The following IP6K1 variants were observed in gnomAD, a reference collection of about 807,000 sequenced individuals.
The protein encoded by IP6K1 is ATP:1D-myo-inositol-hexakisphosphate phosphotransferase.
In IP6K1, 13 loss-of-function variants were observed where a neutral mutation model predicts 38.3. That is an observed-to-expected ratio of 0.34 (90% CI 0.22 to 0.54). The LOEUF is 0.54. IP6K1 is among the 20% of genes least tolerant of loss of function. The pLI, the probability that IP6K1 is intolerant of heterozygous loss-of-function variation, is 0.92. For synonymous variants in IP6K1, 212 were observed against 229.9 expected, an observed-to-expected ratio of 0.92 and a Z score of 0.70; for missense variants, 397 against 599.8, an observed-to-expected ratio of 0.66 and a Z score of 3.53.
chr3:49,743,626 T>G (rs1466881974), intron 2 of IP6K1, among the ~76,000 whole-genome samples: 3 of 150,340 alleles, frequency 2.0e-5, no homozygotes, highest in Non-Finnish European at 4.4e-5. Context: ...TTTGTTTTTT[T>G]TTTTTTTTTG....
In IP6K1 at chr3:49,727,954, G is replaced by T; in HGVS notation, c.792+149C>A. ...AATGTCGAGGCAGCAGACTCTCACA[G>T]TGGTCCTGCACCTGAGGCCCATATC... On this transcript the variant is annotated intron_variant, in intron 5 of 5. Coordinates refer to ENST00000321599, the MANE Select transcript of IP6K1 (RefSeq NM_153273.4). The surrounding 1 kb of genome is among the most constrained non-coding windows in gnomAD (Gnocchi z 5.9). 1 of 761,392 alleles carries T rather than the reference G, an allele frequency of 1.3e-6. No individual in the cohort carries two copies. Among genetic ancestry groups the T allele is most frequent in the Non-Finnish European group, 2.2e-6 (1 of 458,848 alleles). The allele number at this position is 761,392 out of a possible 1,614,324, so 47.2% of individuals were successfully genotyped here.
At chr3:49,749,768 C>T (rs2080755515) in intron 1 of IP6K1, among the ~76,000 whole-genome samples, 1 of 151,846 alleles carries the variant, frequency 6.6e-6, no homozygotes, top group African/African-American at 2.4e-5. Flanking sequence ...ACTGCTATCA[C>T]CAAAATCAAT....
intron 1 of IP6K1, among the ~76,000 whole-genome samples, chr3:49,764,020 C>CA (rs961568725): frequency 1.3e-5 from 2 of 151,700 alleles, no homozygotes; most frequent in East Asian, 1.9e-4. Flanking sequence ...AGACTGTTTC[C>CA]AAAAAAACCT....
At chr3:49,738,502 C>A in intron 2 of IP6K1, 80 bp from the exon 3 acceptor site, 1 of 1,083,012 alleles carries the variant, frequency 9.2e-7, no homozygotes. Context: ...CACTCACTTT[C>A]CCACACAGCA....
At chr3:49,761,131 C>T (rs771822283) in intron 1 of IP6K1, among the ~76,000 whole-genome samples, 15 of 142,602 alleles carry the variant, frequency 1.1e-4, no homozygotes, top group African/African-American at 3.2e-4. Context: ...CTGGCCAACA[C>T]GGTGAAACCC....
intron 1 of IP6K1, among the ~76,000 whole-genome samples, chr3:49,758,011 C>T (rs1248035465): frequency 6.6e-6 from 1 of 152,100 alleles, no homozygotes; most frequent in Non-Finnish European, 1.5e-5. Context: ...GACCCCCTAT[C>T]AAAAATGGTT....
chr3:49,734,158 AAAAT>A lies in IP6K1; in HGVS notation c.435-1190_435-1187del, dbSNP rs201910872. On this transcript the variant is annotated intron_variant, in intron 3 of 5. Coordinates refer to ENST00000321599, the MANE Select transcript of IP6K1 (RefSeq NM_153273.4). Reference sequence around the variant, plus strand: ...CTTAAAAATAAATAAATAATAAAATAAAATAAATAAAACCACAAAGGAGTTTTTG... The same window carrying A: ...CTTAAAAATAAATAAATAATAAAATAAAATAAAACCACAAAGGAGTTTTTG... Among the ~76,000 whole-genome samples, 663 of 152,230 alleles carry A rather than the reference AAAAT, an allele frequency of 4.4e-3. 8 individuals carry two copies. Among genetic ancestry groups the A allele is most frequent in the African/African-American group, 0.015 (626 of 41,554 alleles).
At chr3:49,756,072 T>A (rs923286959) in intron 1 of IP6K1, among the ~76,000 whole-genome samples, 2 of 152,152 alleles carry the variant, frequency 1.3e-5, no homozygotes, top group African/African-American at 2.4e-5. Context: ...TGTGTATAGA[T>A]GTCTAGAGTA....
At position 49,727,022 on chromosome 3, in the gene IP6K1, A is replaced by G; in HGVS notation, c.*100T>C. Reference sequence around the variant, plus strand: ...TTTAGTTTACACCAAAGAGAAATATAACCCTTTAAAAGCAAGTCTGTGTGT... The same window carrying G: ...TTTAGTTTACACCAAAGAGAAATATGACCCTTTAAAAGCAAGTCTGTGTGT... On this transcript the variant is annotated 3_prime_UTR_variant, in exon 6 of 6. Transcript: ENST00000321599. This position sits in a 1 kb window ranked among gnomAD's most constrained non-coding sequence, Gnocchi z 5.9. The G allele has an allele frequency of 8.6e-7, 1 of 1,161,728 alleles. No individual in the cohort carries two copies. Among genetic ancestry groups the G allele is most frequent in the African/African-American group, 1.5e-5 (1 of 64,842 alleles). 72.0% of individuals were successfully genotyped at this position (1,161,728 alleles called of 1,614,324 possible).
intron 1 of IP6K1, among the ~76,000 whole-genome samples, chr3:49,765,723 T>A (rs888767979): frequency 6.7e-6 from 1 of 150,328 alleles, no homozygotes; most frequent in Non-Finnish European, 1.5e-5. Flanking sequence ...TACCACTTAA[T>A]AGTCAACTGA....
intron 1 of IP6K1, among the ~76,000 whole-genome samples, chr3:49,752,010 G>T (rs1233066606): frequency 6.6e-6 from 1 of 151,974 alleles, no homozygotes; most frequent in African/African-American, 2.4e-5. Flanking sequence ...GTAATTTTTT[G>T]TTGTTGTTTT....
At position 49,726,662 on chromosome 3, in the gene IP6K1, C is replaced by T. The variant is rs2080505326; in HGVS notation, c.*460G>A. The T allele has an allele frequency of 5.4e-6, 1 of 185,712 alleles. No individual in the cohort carries two copies. The highest frequency in any genetic ancestry group is 1.9e-4 in the South Asian group (1 of 5,398). The allele number at this position is 185,712 out of a possible 1,614,324, so 11.5% of individuals were successfully genotyped here. ...GCTAGCTGACACCCACAGCATAAGA[C>T]TGGAAAGCCCCCAAGAAATGGGCAC... On this transcript the variant is annotated 3_prime_UTR_variant, in exon 6 of 6. Coordinates refer to ENST00000321599, the MANE Select transcript of IP6K1 (RefSeq NM_153273.4).
chr3:49,784,013 T>A lies in IP6K1; in HGVS notation c.-129+2341A>T, dbSNP rs533482969. ...TTCAAAATTATTATTTTATTTATTATTTATTTATTTATTTATTTTTGGAGA... is the reference window on the plus strand; with the variant it reads ...TTCAAAATTATTATTTTATTTATTAATTATTTATTTATTTATTTTTGGAGA... On this transcript the variant is annotated intron_variant, in intron 1 of 5. Coordinates refer to ENST00000321599, the MANE Select transcript of IP6K1 (RefSeq NM_153273.4). Among the ~76,000 whole-genome samples the A allele has an allele frequency of 8.9e-3, 1,351 of 151,732 alleles. 19 individuals are homozygous for A. The highest frequency in any genetic ancestry group is 0.031 in the African/African-American group (1,294 of 41,420).
intron 4 of IP6K1, among the ~76,000 whole-genome samples, chr3:49,729,766 G>C (rs1232564207): frequency 2.6e-5 from 4 of 151,260 alleles, no homozygotes; most frequent in Non-Finnish European, 5.9e-5. Flanking sequence ...GTCTCACTCT[G>C]TTGCCCAGGC....
At chr3:49,733,358 G>T (rs1469886639) in intron 3 of IP6K1, among the ~76,000 whole-genome samples, 1 of 152,098 alleles carries the variant, frequency 6.6e-6, no homozygotes, top group Non-Finnish European at 1.5e-5. Context: ...CAGTTTGGTG[G>T]TTTCTCAAAA....
At chr3:49,768,641 G>A (rs980184723) in intron 1 of IP6K1, among the ~76,000 whole-genome samples, 9 of 152,050 alleles carry the variant, frequency 5.9e-5, no homozygotes, top group Non-Finnish European at 1.0e-4. Flanking sequence ...GTGGTGGCGG[G>A]CACCTGTAAT....
rs764266989 is a variant in IP6K1 at position 49,727,362 on chromosome 3, G to A, written c.1086C>T (p.Asp362=). The A allele has an allele frequency of 6.2e-7, 1 of 1,614,112 alleles. No homozygotes were observed. Among genetic ancestry groups the A allele is most frequent in the Middle Eastern group, 1.6e-4 (1 of 6,062 alleles). The change falls in exon 6 of 6, where the codon GAC becomes GAT. Residue 362 remains aspartate (D), a synonymous_variant. Transcript: ENST00000321599. This position sits in a 1 kb window ranked among gnomAD's most constrained non-coding sequence, Gnocchi z 5.9. ...RRSEMRLKHL[D]MVLPEVASSC... is the part of the protein sequence containing the mutation. The stretch of plus-strand genomic sequence containing the variant: ...ATGACGCCACCTCAGGGAGCACCAT[G>A]TCCAGGTGCTTGAGACGCATCTCAG...
chr3:49,731,887 C>CAAAAAAGAAAAAAAAAAAAA (rs2080565081), intron 4 of IP6K1, among the ~76,000 whole-genome samples: 1 of 65,342 alleles, frequency 1.5e-5, no homozygotes, highest in Non-Finnish European at 2.9e-5. Context: ...GACTCTGTCT[C>CAAAAAAGAAAAAAAAAAAAA]AAAAAAAAAA....
In IP6K1 at chr3:49,732,962, C is replaced by G; in HGVS notation, c.445G>C (p.Ala149Pro). 1.9e-6 allele frequency: 3 copies of G among 1,612,444 alleles called. No individual in the cohort carries two copies. Among genetic ancestry groups the G allele is most frequent in the Non-Finnish European group, 2.5e-6 (3 of 1,178,888 alleles). The change falls in exon 4 of 6, where the codon GCA (alanine) becomes CCA (proline). Residue 149 changes from alanine (A) to proline (P), a missense_variant. Physicochemically the swap from Ala to Pro is conservative, Grantham distance 27. This residue lies in a region of IP6K1 where 171 missense variants were observed against 237.0 expected (regional missense o/e 0.72). Transcript: ENST00000321599. Reference sequence around the variant, plus strand: ...TGCAGCTCCACCTTCGGACTCTTTGCCTCCTGTGAGCTAAGAAGGAAGAAC... The same window carrying G: ...TGCAGCTCCACCTTCGGACTCTTTGGCTCCTGTGAGCTAAGAAGGAAGAAC... Reference protein sequence around the residue: ...SLETSESSQEAKSPKVELHSH... With the variant: ...SLETSESSQEPKSPKVELHSH...
Sources: allele counts gnomAD v4.1 joint callset (sites outside exome capture counted in the v4.1 genomes callset), GRCh38; gene constraint gnomAD v4.1.1; regional missense constraint gnomAD v4.1.1; non-coding constraint Gnocchi (gnomAD v3.1); transcripts MANE v1.5; gene names NCBI Gene and HGNC (gene_info 2026-07-23, HGNC 2026-07-21).